The following LPP variants were observed in gnomAD, a reference collection of about 807,000 sequenced individuals.
LPP encodes the protein lipoma-preferred partner.
LPP carries 38 observed loss-of-function variants against 60.4 expected under a neutral mutation model. The ratio of observed to expected loss-of-function variants is 0.63; its 90% CI spans 0.49 to 0.83. The LOEUF (loss-of-function observed/expected upper bound fraction) is 0.83. Ranked by LOEUF, LPP falls within the 40% of genes least tolerant of loss-of-function variation. LPP has a pLI of 0.00. For synonymous variants in LPP, 328 were observed against 290.8 expected (o/e 1.13, Z -1.30); for missense variants, 902 against 783.6 (o/e 1.15, Z -1.80).
At chr3:188,464,452 A>T (rs931832938) in intron 4 of LPP, among the ~76,000 whole-genome samples, 1 of 152,162 alleles carries the variant, frequency 6.6e-6, no homozygotes, top group African/African-American at 2.4e-5. Context: ...GAACATTCCC[A>T]CCACTGCAGA....
At chr3:188,511,987 G>C (rs1815826385) in intron 5 of LPP, among the ~76,000 whole-genome samples, 1 of 152,130 alleles carries the variant, frequency 6.6e-6, no homozygotes. Context: ...TTTTGGAAAA[G>C]ATGTTTCACA....
At chr3:188,589,652 T>TCGCAAG (rs1447809737) in intron 6 of LPP, among the ~76,000 whole-genome samples, 1 of 152,200 alleles carries the variant, frequency 6.6e-6, no homozygotes, top group Non-Finnish European at 1.5e-5. Context: ...CATTTTTTTC[T>TCGCAAG]TTACCACTGA....
intron 11 of LPP, among the ~76,000 whole-genome samples, chr3:188,873,802 C>T (rs1768792093): frequency 6.6e-6 from 1 of 152,308 alleles, no homozygotes; most frequent in Non-Finnish European, 1.5e-5. Flanking sequence ...CACTACTCCC[C>T]ACAAACTTTA....
At chr3:188,624,534 G>A (rs1027047910) in intron 7 of LPP, among the ~76,000 whole-genome samples, 3 of 152,172 alleles carry the variant, frequency 2.0e-5, no homozygotes, top group Admixed American at 2.0e-4. Context: ...AGTTTGTTTA[G>A]AAAGCCATAT....
chr3:188,167,372 C>G (rs1720279369), intron 1 of LPP, among the ~76,000 whole-genome samples: 1 of 152,146 alleles, frequency 6.6e-6, no homozygotes, highest in Non-Finnish European at 1.5e-5. Flanking sequence ...GTGGCATGTG[C>G]CTTTAGTCCC....
In LPP at chr3:188,346,892, T is replaced by C. The variant is rs189909319; in HGVS notation, c.-10+5173T>C. 1.3e-3 allele frequency among the ~76,000 whole-genome samples: 197 copies of C among 152,332 alleles called. 3 individuals are homozygous for C. The highest frequency in any genetic ancestry group is 7.1e-4 in the Non-Finnish European group (48 of 68,028). ...TACTCTGAGTGTTAGGCTCGTTTTG[T>C]AGCATGACTTTTGGCATGTATGTAT... On this transcript the variant is annotated intron_variant, in intron 3 of 11. Transcript: ENST00000617246.
At position 188,307,802 on chromosome 3, in the gene LPP, ATTAACAC is replaced by A. The variant is rs1577997927; in HGVS notation, c.-66-33860_-66-33854del. Among the ~76,000 whole-genome samples, 6 of 152,336 alleles carry A rather than the reference ATTAACAC, an allele frequency of 3.9e-5. No individual in the cohort carries two copies. In the East Asian group the frequency reaches 1.2e-3, roughly 29 times the overall value. On this transcript the variant is annotated intron_variant, in intron 2 of 11. Coordinates refer to ENST00000617246, the MANE Select transcript of LPP (RefSeq NM_001375462.1). ...TAACTGGGATGTTCAATATGACTTT[ATTAACAC>A]AGGGAATACAGCTGATTATCTCTTA... is the stretch of plus-strand genomic sequence containing the variant.
chr3:188,597,115 C>G (rs906459716), intron 6 of LPP, among the ~76,000 whole-genome samples: 1 of 152,188 alleles, frequency 6.6e-6, no homozygotes, highest in African/African-American at 2.4e-5. Flanking sequence ...AAACAGAGTT[C>G]TAATCCTGAC....
At chr3:188,495,987 T>C (rs1299740309) in intron 5 of LPP, among the ~76,000 whole-genome samples, 6 of 152,200 alleles carry the variant, frequency 3.9e-5, no homozygotes, top group African/African-American at 1.2e-4. Context: ...GTACTCTTAC[T>C]ATATAACTTA....
chr3:188,247,800 G>GAA (rs796405602), intron 2 of LPP, among the ~76,000 whole-genome samples: 19 of 78,640 alleles, frequency 2.4e-4, no homozygotes, highest in South Asian at 3.9e-4. Flanking sequence ...CTCCATCTCA[G>GAA]AAAAAAAAAA....
In LPP at chr3:188,658,948, G is replaced by A. The variant is rs138181856; in HGVS notation, c.1113+49104G>A. 4.8e-3 allele frequency among the ~76,000 whole-genome samples: 730 copies of A among 152,206 alleles called. 4 individuals carry two copies. The highest frequency in any genetic ancestry group is 7.8e-3 in the Non-Finnish European group (531 of 68,006). The stretch of plus-strand genomic sequence containing the variant: ...ACTTAGGTTTAAAAGCTGCAAAAAT[G>A]GATTTAATGAAATAATGATGGAGTG... On this transcript the variant is annotated intron_variant, in intron 7 of 11. Transcript: ENST00000617246.
chr3:188,448,671 T>A (rs1009203400), intron 4 of LPP, among the ~76,000 whole-genome samples: 3 of 152,072 alleles, frequency 2.0e-5, no homozygotes, highest in Admixed American at 2.0e-4. Flanking sequence ...CCTCTGGAAA[T>A]TTGTGTGGCC....
At chr3:188,662,705 G>A (rs983218679) in intron 7 of LPP, among the ~76,000 whole-genome samples, 1 of 152,078 alleles carries the variant, frequency 6.6e-6, no homozygotes, top group Non-Finnish European at 1.5e-5. Flanking sequence ...TTGCAAAGCA[G>A]GCACAAAAAT....
chr3:188,700,802 T>C (rs1864251358), intron 7 of LPP, among the ~76,000 whole-genome samples: 1 of 152,206 alleles, frequency 6.6e-6, no homozygotes, highest in South Asian at 2.1e-4. Context: ...GTGTGTCTAT[T>C]TTTATAGACT....
intron 6 of LPP, among the ~76,000 whole-genome samples, chr3:188,597,790 A>T (rs1307056999): frequency 6.6e-6 from 1 of 152,118 alleles, no homozygotes; most frequent in Non-Finnish European, 1.5e-5. Flanking sequence ...TTATTGAAAA[A>T]ACTGATTTCA....
chr3:188,741,910 C>T (rs1724576105), intron 8 of LPP, among the ~76,000 whole-genome samples: 1 of 151,618 alleles, frequency 6.6e-6, no homozygotes, highest in Non-Finnish European at 1.5e-5. Context: ...AGATTTTATG[C>T]CAGAATATAG....
intron 2 of LPP, among the ~76,000 whole-genome samples, chr3:188,281,385 T>A (rs1246003490): frequency 6.6e-6 from 1 of 151,964 alleles, no homozygotes; most frequent in Non-Finnish European, 1.5e-5. Context: ...ATGGATCACT[T>A]GAGGTCAGGA....
chr3:188,372,808 T>C (rs1773682235), intron 3 of LPP, among the ~76,000 whole-genome samples: 1 of 152,108 alleles, frequency 6.6e-6, no homozygotes, highest in African/African-American at 2.4e-5. Context: ...CTGCACCCAT[T>C]AACTCGTCAT....
chr3:188,791,852 TTTG>T (rs1290747288), intron 9 of LPP, among the ~76,000 whole-genome samples: 3 of 152,198 alleles, frequency 2.0e-5, no homozygotes, highest in African/African-American at 7.2e-5. Flanking sequence ...AGATTTTGGT[TTTG>T]TTTGCCTGCA....
Sources: gnomAD v4.1 joint callset for allele counts (sites outside exome capture counted in the v4.1 genomes callset) on GRCh38, gnomAD v4.1.1 for gene constraint, MANE v1.5 for transcripts, NCBI Gene and HGNC (gene_info 2026-07-23, HGNC 2026-07-21) for gene names.